Variants in ANGPT1 observed in about 807,000 individuals in gnomAD.
The protein encoded by ANGPT1 is angiopoietin-1.
Under a neutral mutation model 62.2 loss-of-function variants are expected in ANGPT1, and 17 were observed. The ratio of observed to expected loss-of-function variants is 0.27; its 90% confidence interval spans 0.19 to 0.41. The LOEUF is 0.41. Among genes scored for constraint, ANGPT1 ranks in the 10% least tolerant of loss-of-function variants. ANGPT1 has a pLI of 1.00. For missense variants in ANGPT1, 478 were observed against 594.9 expected, an observed-to-expected ratio of 0.80 and a Z score of 2.04; for synonymous variants, 199 against 198.9, an observed-to-expected ratio of 1.00 and a Z score of 0.00.
At chr8:107,387,656 C>T (rs1194413959) in intron 1 of ANGPT1, among the ~76,000 whole-genome samples, 1 of 151,614 alleles carries the variant, frequency 6.6e-6, no homozygotes, top group Non-Finnish European at 1.5e-5. Flanking sequence ...TATTCACAAT[C>T]TTGAGCAAGG....
chr8:107,257,011 C>G (rs2130000171), intron 8 of ANGPT1, among the ~76,000 whole-genome samples: 2 of 152,206 alleles, frequency 1.3e-5, no homozygotes, highest in South Asian at 2.1e-4. Flanking sequence ...CATCCGCTAC[C>G]ACGCCTGGCT....
intron 1 of ANGPT1, among the ~76,000 whole-genome samples, chr8:107,468,966 A>G (rs1812276230): frequency 6.6e-6 from 1 of 152,080 alleles, no homozygotes; most frequent in Non-Finnish European, 1.5e-5. Context: ...AATTGGGAGA[A>G]CCTAGACAAA....
At chr8:107,368,367 T>C (rs1309417770) in intron 1 of ANGPT1, among the ~76,000 whole-genome samples, 1 of 152,040 alleles carries the variant, frequency 6.6e-6, no homozygotes, top group African/African-American at 2.4e-5. Context: ...TCATTCACGC[T>C]GTTTGGTTCC....
intron 5 of ANGPT1, among the ~76,000 whole-genome samples, chr8:107,301,561 A>G (rs1399526164): frequency 6.6e-6 from 1 of 151,792 alleles, no homozygotes; most frequent in Admixed American, 6.6e-5. Context: ...TTGTATTTCA[A>G]TTTTTCATTT....
In ANGPT1 at chr8:107,479,982, C is replaced by A. The variant is rs1045531915; in HGVS notation, c.297+17280G>T. Among the ~76,000 whole-genome samples, 9 of 152,216 alleles carry A rather than the reference C, an allele frequency of 5.9e-5. 1 individual carries two copies. The South Asian group carries it at 1.9e-3, about 32-fold the overall frequency. On this transcript the variant is annotated intron_variant, in intron 1 of 8. Transcript: ENST00000517746. ...AAATAGTTAACTTTTTGAGAATAGACAGAGGCAATAAAAAAATTTGCCTAA... is the reference window on the plus strand; with the variant it reads ...AAATAGTTAACTTTTTGAGAATAGAAAGAGGCAATAAAAAAATTTGCCTAA...
chr8:107,251,665 A>C lies in ANGPT1; in HGVS notation c.*190T>G. 1 of 656,354 alleles carries C rather than the reference A, an allele frequency of 1.5e-6. No individual in the cohort carries two copies. Among genetic ancestry groups the C allele is most frequent in the South Asian group, 2.2e-5 (1 of 46,450 alleles). 40.7% of individuals were successfully genotyped at this position (656,354 alleles called of 1,614,324 possible). ...CGAGCCACGTGAGCACTGTCACCCC[A>C]AGTAGAGACTCTTGTGAACTCAAAC... is the stretch of plus-strand genomic sequence containing the variant. On this transcript the variant is annotated 3_prime_UTR_variant, in exon 9 of 9. Transcript: ENST00000517746.
At chr8:107,281,367 T>C (rs988932438) in intron 7 of ANGPT1, among the ~76,000 whole-genome samples, 1 of 152,184 alleles carries the variant, frequency 6.6e-6, no homozygotes, top group East Asian at 1.9e-4. Context: ...AGAAAAGTTA[T>C]AGAAAACAAA....
chr8:107,285,830 G>A (rs1369950272), intron 6 of ANGPT1, among the ~76,000 whole-genome samples: 1 of 151,878 alleles, frequency 6.6e-6, no homozygotes, highest in Non-Finnish European at 1.5e-5. Flanking sequence ...CTACATATTT[G>A]TTTCACTGGC....
At chr8:107,317,411 G>A (rs898205457) in intron 4 of ANGPT1, among the ~76,000 whole-genome samples, 3 of 152,122 alleles carry the variant, frequency 2.0e-5, no homozygotes, top group African/African-American at 4.8e-5. Flanking sequence ...AATGAGCTTC[G>A]AGCTGATTTG....
chr8:107,461,951 A>G (rs763284628), intron 1 of ANGPT1, among the ~76,000 whole-genome samples: 7 of 152,134 alleles, frequency 4.6e-5, no homozygotes, highest in Non-Finnish European at 8.8e-5. Context: ...TCAGTTTAGT[A>G]AACAAACCAC....
chr8:107,290,270 A>C (rs916354345), intron 6 of ANGPT1, among the ~76,000 whole-genome samples: 2 of 152,154 alleles, frequency 1.3e-5, no homozygotes, highest in African/African-American at 2.4e-5. Context: ...GGAAGGAGAG[A>C]GGAAAGGCAG....
intron 1 of ANGPT1, among the ~76,000 whole-genome samples, chr8:107,487,059 G>A (rs1032188477): frequency 2.0e-5 from 3 of 151,970 alleles, no homozygotes; most frequent in African/African-American, 7.3e-5. Flanking sequence ...ATCCCTCATG[G>A]AGCAGTCCTC....
At chr8:107,413,682 A>C in intron 1 of ANGPT1, among the ~76,000 whole-genome samples, 2 of 150,990 alleles carry the variant, frequency 1.3e-5, no homozygotes, top group Middle Eastern at 6.8e-3. Context: ...TTATATGGAA[A>C]TATTAATTTT....
At chr8:107,333,261 T>C (rs763147572) in intron 3 of ANGPT1, among the ~76,000 whole-genome samples, 12 of 152,068 alleles carry the variant, frequency 7.9e-5, no homozygotes, top group African/African-American at 1.2e-4. Context: ...GACAAGAAGA[T>C]AGACAGATAA....
chr8:107,293,197 G>GA (rs1814320955), intron 6 of ANGPT1, among the ~76,000 whole-genome samples: 1 of 148,662 alleles, frequency 6.7e-6, no homozygotes, highest in Admixed American at 6.8e-5. Context: ...GAGAAGAACT[G>GA]TGATGATGAT....
At chr8:107,351,563 A>C (rs1003098213) in intron 1 of ANGPT1, among the ~76,000 whole-genome samples, 27 of 151,550 alleles carry the variant, frequency 1.8e-4, no homozygotes, top group Non-Finnish European at 2.9e-5. Context: ...AATATATTAT[A>C]ACATACACAA....
At chr8:107,322,199 G>C in intron 3 of ANGPT1, 71 bp from the exon 4 acceptor site, 1 of 1,094,414 alleles carries the variant, frequency 9.1e-7, no homozygotes, top group Non-Finnish European at 1.3e-6. Flanking sequence ...AATTCAATTG[G>C]TTCCTGAATT....
chr8:107,449,158 T>C (rs1811695733), intron 1 of ANGPT1, among the ~76,000 whole-genome samples: 1 of 152,102 alleles, frequency 6.6e-6, no homozygotes, highest in Non-Finnish European at 1.5e-5. Flanking sequence ...GTTCATTTAC[T>C]TGTCCCTACA....
intron 1 of ANGPT1, among the ~76,000 whole-genome samples, chr8:107,467,656 T>C (rs1812238064): frequency 6.6e-6 from 1 of 152,074 alleles, no homozygotes; most frequent in South Asian, 2.1e-4. Context: ...GTGATCTGTG[T>C]TCAGTCCTGA....
Sources: allele counts gnomAD v4.1 joint callset (sites outside exome capture counted in the v4.1 genomes callset), GRCh38; gene constraint gnomAD v4.1.1; transcripts MANE v1.5; gene names NCBI Gene and HGNC (gene_info 2026-07-23, HGNC 2026-07-21).